Variants in LAMC2 observed in about 807,000 individuals in gnomAD.
The protein encoded by LAMC2 is laminin subunit gamma 2.
A neutral mutation model predicts 140.2 loss-of-function variants in LAMC2; 97 were observed. The ratio of observed to expected loss-of-function variants is 0.69; its 90% CI spans 0.59 to 0.82. LAMC2 has a LOEUF of 0.82. Ranked by LOEUF, LAMC2 falls within the 40% of genes least tolerant of loss-of-function variation. LAMC2 has a pLI of 0.00. For missense variants in LAMC2, 1,402 were observed against 1,476.1 expected, an observed-to-expected ratio of 0.95 and a Z score of 0.82; for synonymous variants, 513 against 540.2, an observed-to-expected ratio of 0.95 and a Z score of 0.70.
intron 3 of LAMC2, among the ~76,000 whole-genome samples, chr1:183,216,521 C>T (rs139013422): frequency 0.014 from 2,135 of 152,220 alleles, 20 homozygotes; most frequent in Admixed American, 0.023. Context: ...CCCTGCACTC[C>T]GCAGGGAAGC....
At chr1:183,219,315 A>G (rs1301505956) in intron 4 of LAMC2, among the ~76,000 whole-genome samples, 2 of 152,232 alleles carry the variant, frequency 1.3e-5, no homozygotes, top group African/African-American at 4.8e-5. Flanking sequence ...GAAGGCAGGG[A>G]CATAAAGTTT....
the LAMC2 span, among the ~76,000 whole-genome samples, chr1:183,258,116 T>C: frequency 6.6e-6 from 1 of 152,196 alleles, no homozygotes; most frequent in African/African-American, 2.4e-5. Flanking sequence ...CAGGAGCCCA[T>C]GGAGGAGAGG....
chr1:183,205,269 C>G (rs1231036247), intron 1 of LAMC2, among the ~76,000 whole-genome samples: 1 of 152,184 alleles, frequency 6.6e-6, no homozygotes, highest in Admixed American at 6.6e-5. Context: ...GAATTTAGCT[C>G]TTGTACGTGC....
intron 11 of LAMC2, among the ~76,000 whole-genome samples, 198 bp from the exon 12 acceptor site, chr1:183,230,763 G>C (rs530081781): frequency 1.3e-5 from 2 of 152,168 alleles, no homozygotes; most frequent in African/African-American, 4.8e-5. Flanking sequence ...TGCCAGAAAG[G>C]CTGTAATCTC....
intron 2 of LAMC2, among the ~76,000 whole-genome samples, chr1:183,214,647 G>T (rs1659195115): frequency 6.6e-6 from 1 of 152,118 alleles, no homozygotes; most frequent in Non-Finnish European, 1.5e-5. Context: ...CATTTTTAAA[G>T]AATATCCTGG....
intron 1 of LAMC2, among the ~76,000 whole-genome samples, chr1:183,198,202 C>T (rs1483394047): frequency 7.0e-6 from 1 of 142,452 alleles, no homozygotes; most frequent in Non-Finnish European, 1.5e-5. Context: ...AGTGCAGTTT[C>T]GTGATCTCGG....
the LAMC2 span, among the ~76,000 whole-genome samples, chr1:183,256,818 C>T: frequency 6.6e-6 from 1 of 152,116 alleles, no homozygotes; most frequent in East Asian, 1.9e-4. Flanking sequence ...AGCGCATGAT[C>T]TCAGTTCACT....
At chr1:183,252,309 C>G in the LAMC2 span, 1 of 276,480 alleles carries the variant, frequency 3.6e-6, no homozygotes, top group African/African-American at 2.2e-5. Flanking sequence ...GCCGCCTCCC[C>G]AGAGCGTGCT....
intron 1 of LAMC2, among the ~76,000 whole-genome samples, chr1:183,206,381 C>T (rs927745938): frequency 3.9e-5 from 6 of 152,142 alleles, no homozygotes; most frequent in Non-Finnish European, 7.3e-5. Flanking sequence ...CGGTGGCTCA[C>T]GCCTGTAATC....
intron 2 of LAMC2, among the ~76,000 whole-genome samples, chr1:183,211,512 TTTG>T (rs1284790435): frequency 6.6e-6 from 1 of 152,096 alleles, no homozygotes; most frequent in South Asian, 2.1e-4. Context: ...TTTTATTGGG[TTTG>T]TTGTTGTTGT....
chr1:183,186,438 C>A lies in LAMC2; in HGVS notation c.79+7C>A. 5.6e-6 allele frequency: 9 copies of A among 1,602,760 alleles called. No individual in the cohort carries two copies. Among genetic ancestry groups the A allele is most frequent in the Non-Finnish European group, 7.6e-6 (9 of 1,179,664 alleles). On this transcript the variant is annotated splice_region_variant and intron_variant, in intron 1 of 22. Transcript: ENST00000264144. The stretch of plus-strand genomic sequence containing the variant: ...GCCACCTCCAGGAGGGAAGGTGAGT[C>A]GGCTTCCACAAGGAAACATCTCAGC...
chr1:183,247,030 G>T (rs1660254935), downstream of LAMC2, among the ~76,000 whole-genome samples: 1 of 152,214 alleles, frequency 6.6e-6, no homozygotes, highest in Non-Finnish European at 1.5e-5. Context: ...TGAGCTCTTG[G>T]CTGAATGTGG....
At chr1:183,240,812 G>C (rs1393477581) in intron 22 of LAMC2, 1 of 449,190 alleles carries the variant, frequency 2.2e-6, no homozygotes, top group Non-Finnish European at 3.1e-6. Flanking sequence ...AGCTTGAAGA[G>C]GGGGTTAGAG....
intron 1 of LAMC2, among the ~76,000 whole-genome samples, chr1:183,204,186 G>A (rs1017563729): frequency 6.6e-6 from 1 of 152,158 alleles, no homozygotes; most frequent in Non-Finnish European, 1.5e-5. Flanking sequence ...AGCTACTCGG[G>A]AGGCTGAAGT....
intron 4 of LAMC2, among the ~76,000 whole-genome samples, chr1:183,218,875 C>T (rs778020518): frequency 1.3e-5 from 2 of 152,124 alleles, no homozygotes; most frequent in Non-Finnish European, 2.9e-5. Flanking sequence ...AAACATGCTG[C>T]GAAAATTCTT....
At chr1:183,209,121 G>A (rs1241296888) in intron 2 of LAMC2, among the ~76,000 whole-genome samples, 1 of 152,092 alleles carries the variant, frequency 6.6e-6, no homozygotes, top group Admixed American at 6.5e-5. Context: ...AATATAAAGG[G>A]GGAGAGAGAG....
At chr1:183,252,913 G>A in the LAMC2 span, among the ~76,000 whole-genome samples, 1 of 152,180 alleles carries the variant, frequency 6.6e-6, no homozygotes, top group Admixed American at 6.5e-5. Context: ...CCCCACCTTG[G>A]TGACATCATT....
chr1:183,199,774 G>C (rs1658648094), intron 1 of LAMC2, among the ~76,000 whole-genome samples: 1 of 152,166 alleles, frequency 6.6e-6, no homozygotes, highest in South Asian at 2.1e-4. Flanking sequence ...CACCTAAAAA[G>C]AAGACTGGCT....
At chr1:183,258,926 C>T in the LAMC2 span, among the ~76,000 whole-genome samples, 1 of 152,214 alleles carries the variant, frequency 6.6e-6, no homozygotes. Context: ...CCGAAATGCT[C>T]AGGGAGACTG....
Sources: allele counts gnomAD v4.1 joint callset (sites outside exome capture counted in the v4.1 genomes callset), GRCh38; gene constraint gnomAD v4.1.1; transcripts MANE v1.5; gene names NCBI Gene and HGNC (gene_info 2026-07-23, HGNC 2026-07-21).